Variants in TSPAN15 observed in about 807,000 individuals in gnomAD.
The protein encoded by TSPAN15 is tetraspanin-15.
Under a neutral mutation model 34.5 loss-of-function variants are expected in TSPAN15, and 20 were observed. The observed-to-expected ratio is 0.58, with a 90% CI of 0.41 to 0.84. The LOEUF is 0.84. Ranked by LOEUF, TSPAN15 falls within the 40% of genes least tolerant of loss-of-function variation. The probability of loss-of-function intolerance (pLI) is 0.00; values close to 1 mark genes in which losing one functional copy is unlikely to be tolerated. For missense variants in TSPAN15, 313 were observed against 386.1 expected (o/e 0.81, Z 1.59); for synonymous variants, 155 against 153.9 (o/e 1.01, Z -0.05).
At chr10:69,497,405 G>A (rs1390262969) in intron 4 of TSPAN15, among the ~76,000 whole-genome samples, 3 of 152,142 alleles carry the variant, frequency 2.0e-5, no homozygotes, top group Non-Finnish European at 4.4e-5. Context: ...GTTGGCCTCC[G>A]CACCTGCTGC....
Position 69,507,200 on chromosome 10 carries a change from G to C in TSPAN15, c.*222G>C, listed in dbSNP as rs1247719064. 2 of 1,414,270 alleles carry C rather than the reference G, an allele frequency of 1.4e-6. No homozygotes were observed. Among genetic ancestry groups the C allele is most frequent in the Non-Finnish European group, 1.8e-6 (2 of 1,090,096 alleles). 87.6% of individuals were successfully genotyped at this position (1,414,270 alleles called of 1,614,324 possible). A position where few individuals can be genotyped will look rare whatever the true frequency, so the allele number is the denominator to read the frequency against. On this transcript the variant is annotated 3_prime_UTR_variant, in exon 8 of 8. Coordinates refer to ENST00000373290, the MANE Select transcript of TSPAN15 (RefSeq NM_012339.5). ...TTTCCCCGAGGCAGCTCTGGAATCTGTGCCCACCTGGGGCCTGGGGAACAA... is the reference window on the plus strand; with the variant it reads ...TTTCCCCGAGGCAGCTCTGGAATCTCTGCCCACCTGGGGCCTGGGGAACAA...
rs770359777 is a variant in TSPAN15, at chr10:69,485,144, A to G, written c.286A>G (p.Met96Val). The change falls in exon 3 of 8, where the codon ATG becomes GTG. Residue 96 changes from methionine (M) to valine (V), a missense_variant. By Grantham distance (21) the Met-to-Val change is conservative. Transcript: ENST00000373290. ...RDNLYLLQAF[M>V]YILGICLIME... ...GTCTCTGAATTCTGTTTTCCAGTTC[A>G]TGTACATCCTTGGGATCTGCCTCAT... The G allele has an allele frequency of 1.9e-6, 3 of 1,614,082 alleles. No individual in the cohort carries two copies. In the Admixed American group the frequency reaches 5.0e-5, roughly 27 times the overall value.
chr10:69,523,880 CT>C, the TSPAN15 span, among the ~76,000 whole-genome samples: 1 of 147,612 alleles, frequency 6.8e-6, no homozygotes, highest in Non-Finnish European at 1.5e-5. Flanking sequence ...ATTGGATTGG[CT>C]ATTTGGGGTC....
chr10:69,502,268 A>G (rs1842226307), intron 5 of TSPAN15, among the ~76,000 whole-genome samples: 1 of 152,212 alleles, frequency 6.6e-6, no homozygotes. Flanking sequence ...TGGTTATACC[A>G]GGATATATCC....
chr10:69,523,357 G>A, the TSPAN15 span: 2 of 561,922 alleles, frequency 3.6e-6, no homozygotes, highest in East Asian at 1.3e-4. Context: ...CCCTCCCACA[G>A]GGGCCAAAGT....
At chr10:69,545,925 C>T in the TSPAN15 span, among the ~76,000 whole-genome samples, 1 of 152,052 alleles carries the variant, frequency 6.6e-6, no homozygotes, top group African/African-American at 2.4e-5. Flanking sequence ...CACTGCACTC[C>T]AGCCCGGGTG....
At chr10:69,517,895 G>A in the TSPAN15 span, among the ~76,000 whole-genome samples, 64 of 152,196 alleles carry the variant, frequency 4.2e-4, no homozygotes, top group Non-Finnish European at 8.4e-4. Context: ...GGGAAAGGGG[G>A]TAGCTACAGG....
chr10:69,472,947 G>A (rs1415304944), intron 1 of TSPAN15, among the ~76,000 whole-genome samples: 1 of 152,176 alleles, frequency 6.6e-6, no homozygotes, highest in East Asian at 1.9e-4. Flanking sequence ...GTTGTTGAGG[G>A]CAAAGTTGTA....
the TSPAN15 span, among the ~76,000 whole-genome samples, chr10:69,540,599 A>G: frequency 6.6e-6 from 1 of 152,260 alleles, no homozygotes; most frequent in Middle Eastern, 3.4e-3. Flanking sequence ...CAATTCTTGA[A>G]GGAGAGCTGG....
At chr10:69,522,710 C>T in the TSPAN15 span, among the ~76,000 whole-genome samples, 1 of 147,468 alleles carries the variant, frequency 6.8e-6, no homozygotes, top group African/African-American at 2.5e-5. Flanking sequence ...GCTGCATGCT[C>T]CTTATGAGAC....
intron 1 of TSPAN15, among the ~76,000 whole-genome samples, chr10:69,454,888 G>C (rs1404358353): frequency 6.6e-6 from 1 of 152,148 alleles, no homozygotes; most frequent in Admixed American, 6.5e-5. Context: ...AAGTAGAAAA[G>C]GGTAAGGCCG....
the TSPAN15 span, chr10:69,523,398 G>A: frequency 1.7e-6 from 1 of 582,992 alleles, no homozygotes; most frequent in South Asian, 1.6e-5. Context: ...CCCAAGCCTG[G>A]TAGTAAAAGC....
rs1470940338 is a variant in TSPAN15 at position 69,507,129 on chromosome 10, G to A, written c.*151G>A. 10 of 1,453,120 alleles carry A rather than the reference G, an allele frequency of 6.9e-6. No individual in the cohort carries two copies. Among genetic ancestry groups the A allele is most frequent in the Middle Eastern group, 2.5e-4 (1 of 4,030 alleles). The allele number at this position is 1,453,120 out of a possible 1,614,324, so 90.0% of individuals were successfully genotyped here. A position where few individuals can be genotyped will look rare whatever the true frequency, so the allele number is the denominator to read the frequency against. ...TGTGTGCCTGTGTGTAGGTCCCACG[G>A]CCTCTGCCTCCCCAGGGAGCAGAGC... On this transcript the variant is annotated 3_prime_UTR_variant, in exon 8 of 8. Coordinates refer to ENST00000373290, the MANE Select transcript of TSPAN15 (RefSeq NM_012339.5).
downstream of TSPAN15, among the ~76,000 whole-genome samples, chr10:69,512,470 G>A (rs776748569): frequency 1.3e-5 from 2 of 152,128 alleles, no homozygotes; most frequent in African/African-American, 4.8e-5. Context: ...AATAAACTGC[G>A]TGTATTTAAA....
chr10:69,490,252 G>T (rs1841940243), intron 3 of TSPAN15, among the ~76,000 whole-genome samples: 1 of 152,164 alleles, frequency 6.6e-6, no homozygotes, highest in African/African-American at 2.4e-5. Flanking sequence ...GCCAACACCT[G>T]AATATATAAA....
At chr10:69,508,304 G>A (rs1162676439), downstream of TSPAN15, among the ~76,000 whole-genome samples, 1 of 151,894 alleles carries the variant, frequency 6.6e-6, no homozygotes. Context: ...AGCCGGGCAT[G>A]GTGGTGCGCG....
chr10:69,464,927 A>G (rs1316255086), intron 1 of TSPAN15, among the ~76,000 whole-genome samples: 1 of 152,222 alleles, frequency 6.6e-6, no homozygotes, highest in East Asian at 1.9e-4. Context: ...GACTTCTCAC[A>G]GAGAAGGGAA....
In TSPAN15 at chr10:69,483,818, T is replaced by C. The variant is rs1841790062; in HGVS notation, c.224T>C (p.Met75Thr). Reference protein sequence around the residue: ...ILILLGVVMFMVSFIGVLASL... With the variant: ...ILILLGVVMFTVSFIGVLASL... ...ATCCTCCTGGGCGTCGTCATGTTCATGGTCTCCTTCATTGGTGTGCTGGCG... is the reference window on the plus strand; with the variant it reads ...ATCCTCCTGGGCGTCGTCATGTTCACGGTCTCCTTCATTGGTGTGCTGGCG... Residue 75 changes from methionine to threonine, a missense_variant, in exon 2 of 8, where the codon ATG becomes ACG. Met to Thr is a moderately conservative substitution (Grantham distance 81). Coordinates refer to ENST00000373290, the MANE Select transcript of TSPAN15 (RefSeq NM_012339.5). The C allele has an allele frequency of 6.2e-7, 1 of 1,614,048 alleles. No individual in the cohort carries two copies.
chr10:69,453,384 A>T (rs966792384), intron 1 of TSPAN15, among the ~76,000 whole-genome samples: 1 of 152,190 alleles, frequency 6.6e-6, no homozygotes, highest in African/African-American at 2.4e-5. Context: ...AGATGGTCTC[A>T]TAGGTCCCCT....
Sources: allele counts gnomAD v4.1 joint callset (sites outside exome capture counted in the v4.1 genomes callset), GRCh38; gene constraint gnomAD v4.1.1; transcripts MANE v1.5; gene names NCBI Gene and HGNC (gene_info 2026-07-23, HGNC 2026-07-21).